Variants in APMAP observed in about 807,000 individuals in gnomAD.
The protein encoded by APMAP is adipocyte plasma membrane-associated protein.
APMAP carries 33 observed loss-of-function variants against 43.6 expected under a neutral mutation model. That is an observed-to-expected ratio of 0.76 (90% CI 0.57 to 1.01). The LOEUF (loss-of-function observed/expected upper bound fraction) is 1.01, where lower values mean the gene tolerates loss of function less well. APMAP is among the 50% of genes least tolerant of loss of function. The probability of loss-of-function intolerance (pLI) is 0.00; values close to 1 mark genes in which losing one functional copy is unlikely to be tolerated. For missense variants in APMAP, 498 were observed against 540.7 expected (o/e 0.92, Z 0.78); for synonymous variants, 224 against 216.7 (o/e 1.03, Z -0.30).
chr20:24,980,400 G>A lies in APMAP; in HGVS notation c.213-1518C>T, dbSNP rs150023490. On this transcript the variant is annotated intron_variant, in intron 2 of 8. Coordinates refer to ENST00000217456, the MANE Select transcript of APMAP (RefSeq NM_020531.3). ...CCTGGGGCAATTGGTGCCATGCTAC[G>A]ATGACAAGCAGAGCTGCCAGCTTCG... Among the ~76,000 whole-genome samples the A allele has an allele frequency of 7.6e-4, 116 of 152,352 alleles. No homozygotes were observed. In the Middle Eastern group the frequency reaches 0.024, roughly 31 times the overall value.
Position 24,978,753 on chromosome 20 carries a change from A to ACGCGG in APMAP, c.328+13_328+14insCCGCG. The ACGCGG allele has an allele frequency of 1.3e-6, 1 of 791,788 alleles. No individual in the cohort carries two copies. Among genetic ancestry groups the ACGCGG allele is most frequent in the Non-Finnish European group, 1.8e-6 (1 of 547,320 alleles). The allele number at this position is 791,788 out of a possible 1,614,324, so 49.0% of individuals were successfully genotyped here. On this transcript the variant is annotated intron_variant, in intron 3 of 8. Coordinates refer to ENST00000217456, the MANE Select transcript of APMAP (RefSeq NM_020531.3). ...AGCCTGGAAGGCTCCCCCCCCACCC[A>ACGCGG]AGCTTAGACTTACCCCCAATATGTG... is the stretch of plus-strand genomic sequence containing the variant.
In APMAP at chr20:24,963,735, C is replaced by T; in HGVS notation, c.*78G>A. 1 of 1,441,374 alleles carries T rather than the reference C, an allele frequency of 6.9e-7. No individual in the cohort carries two copies. Among genetic ancestry groups the T allele is most frequent in the Non-Finnish European group, 9.6e-7 (1 of 1,037,850 alleles). The allele number at this position is 1,441,374 out of a possible 1,614,324, so 89.3% of individuals were successfully genotyped here. On this transcript the variant is annotated 3_prime_UTR_variant, in exon 9 of 9. Transcript: ENST00000217456. ...GACACTTGAACCACGACTGTGTCCA[C>T]AGCTCCTCCTGGACCAGGCCTGGTG...
At chr20:24,986,127 T>C (rs1307523947) in intron 1 of APMAP, among the ~76,000 whole-genome samples, 1 of 152,230 alleles carries the variant, frequency 6.6e-6, no homozygotes, top group Non-Finnish European at 1.5e-5. Flanking sequence ...AGGGCAGTGT[T>C]AACCACTGCC....
At chr20:24,986,004 G>C (rs2088144376) in intron 1 of APMAP, among the ~76,000 whole-genome samples, 1 of 152,284 alleles carries the variant, frequency 6.6e-6, no homozygotes, top group African/African-American at 2.4e-5. Flanking sequence ...TATGTGAAAA[G>C]CAGAGCTTCT....
At chr20:24,971,374 T>A (rs1600282242) in intron 5 of APMAP, 86 bp downstream of exon 5, 3 of 1,197,580 alleles carry the variant, frequency 2.5e-6, no homozygotes, top group Non-Finnish European at 3.6e-6. Flanking sequence ...AGACTGTTGC[T>A]AACAAATCCT....
chr20:24,970,162 A>G (rs978588852), intron 6 of APMAP, 35 bp downstream of exon 6: 1 of 1,612,140 alleles, frequency 6.2e-7, no homozygotes, highest in African/African-American at 1.3e-5. Flanking sequence ...TGGCTGGTGA[A>G]CTCAACAAAT....
At chr20:24,987,702 T>G (rs901820845) in intron 1 of APMAP, among the ~76,000 whole-genome samples, 3 of 152,140 alleles carry the variant, frequency 2.0e-5, no homozygotes, top group African/African-American at 7.2e-5. Context: ...ACTGCAAAAC[T>G]GGCCATTATA....
In APMAP at chr20:24,963,803, T is replaced by C; in HGVS notation, c.*10A>G. 2 of 1,613,620 alleles carry C rather than the reference T, an allele frequency of 1.2e-6. No homozygotes were observed. The highest frequency in any genetic ancestry group is 1.7e-6 in the Non-Finnish European group (2 of 1,179,680). On this transcript the variant is annotated 3_prime_UTR_variant, in exon 9 of 9. Coordinates refer to ENST00000217456, the MANE Select transcript of APMAP (RefSeq NM_020531.3). Reference sequence around the variant, plus strand: ...CTGGCCTGCGTGGCAGGGGCAGCTATCTGGGAGGGCTAAACAGCCTGGAGG... The same window carrying C: ...CTGGCCTGCGTGGCAGGGGCAGCTACCTGGGAGGGCTAAACAGCCTGGAGG...
intron 2 of APMAP, among the ~76,000 whole-genome samples, chr20:24,983,588 A>C (rs2122522541): frequency 6.6e-6 from 1 of 152,326 alleles, no homozygotes; most frequent in South Asian, 2.1e-4. Context: ...CTGAAGCTCC[A>C]TTTGTGTGTG....
chr20:24,964,276 C>T, intron 8 of APMAP: 1 of 656,814 alleles, frequency 1.5e-6, no homozygotes, highest in Non-Finnish European at 2.9e-6. Flanking sequence ...GACAGCAACG[C>T]AAGCACATCT....
Position 24,984,004 on chromosome 20 carries a change from T to A in APMAP, c.111A>T (p.Arg37Ser). 6.2e-7 allele frequency: 1 copy of A among 1,613,192 alleles called. No homozygotes were observed. The highest frequency in any genetic ancestry group is 8.5e-7 in the Non-Finnish European group (1 of 1,179,396). Residue 37 changes from arginine to serine, a missense_variant, in exon 2 of 9, where the codon AGA becomes AGT. Transcript: ENST00000217456. ...EAKDGSSFSG[R>S]VFRVTFLMLA... ...GCATCAAGAAGGTCACTCGGAAAAC[T>A]CTGCCGCTAAAGGAGCTGCCAGAAA...
intron 3 of APMAP, 21 bp downstream of exon 3, chr20:24,978,746 C>CCCG: frequency 8.0e-7 from 1 of 1,255,856 alleles, no homozygotes; most frequent in Non-Finnish European, 1.1e-6. Context: ...AGGCTCCCCC[C>CCCG]CCACCCAAGC....
chr20:24,982,187 G>GGA (rs1388145896), intron 2 of APMAP, among the ~76,000 whole-genome samples: 1 of 151,130 alleles, frequency 6.6e-6, no homozygotes, highest in South Asian at 2.1e-4. Flanking sequence ...GCTGAGCCCA[G>GGA]GAGAGAGAGA....
At chr20:24,969,415 G>GA in intron 7 of APMAP, 111 bp downstream of exon 7, 1 of 1,450,058 alleles carries the variant, frequency 6.9e-7, no homozygotes, top group South Asian at 1.4e-5. Context: ...ATGCCATGCA[G>GA]AAGGTGCGCT....
intron 1 of APMAP, among the ~76,000 whole-genome samples, chr20:24,985,184 T>C (rs1303331372): frequency 1.3e-5 from 2 of 152,190 alleles, no homozygotes; most frequent in African/African-American, 4.8e-5. Flanking sequence ...TTTCCCCCAG[T>C]GTGAAACGGG....
chr20:24,983,229 T>C (rs1160492214), intron 2 of APMAP, among the ~76,000 whole-genome samples: 1 of 152,246 alleles, frequency 6.6e-6, no homozygotes, highest in Non-Finnish European at 1.5e-5. Context: ...TCTGAAGTTT[T>C]TAAAGCCTTA....
In APMAP at chr20:24,969,511, T is replaced by C. The variant is rs1415369671; in HGVS notation, c.848+15A>G. ...TCTGGCCAGTAACTGATGGCTCAGCTAATCCCACACACACCTTCGTATCCT... is the reference window on the plus strand; with the variant it reads ...TCTGGCCAGTAACTGATGGCTCAGCCAATCCCACACACACCTTCGTATCCT... On this transcript the variant is annotated intron_variant, in intron 7 of 8. Transcript: ENST00000217456. 6.3e-7 allele frequency: 1 copy of C among 1,599,120 alleles called. No individual in the cohort carries two copies. The highest frequency in any genetic ancestry group is 1.1e-5 in the South Asian group (1 of 90,474).
chr20:24,980,499 C>T lies in APMAP; in HGVS notation c.213-1617G>A, dbSNP rs573046511. Among the ~76,000 whole-genome samples the T allele has an allele frequency of 6.1e-5, 9 of 147,400 alleles. No homozygotes were observed. In the South Asian group the frequency reaches 2.0e-3, roughly 32 times the overall value. ...TCAAGAGGCCATGCTCGGCCTCGGT[C>T]ACCTCTACACGCTGGGCAGCGCGGG... On this transcript the variant is annotated intron_variant, in intron 2 of 8. Transcript: ENST00000217456.
intron 1 of APMAP, among the ~76,000 whole-genome samples, chr20:24,991,707 C>A (rs909932128): frequency 6.6e-6 from 1 of 152,222 alleles, no homozygotes; most frequent in African/African-American, 2.4e-5. Flanking sequence ...CCCACAACTT[C>A]AAGCTTGGTC....
Sources: gnomAD v4.1 joint callset for allele counts (sites outside exome capture counted in the v4.1 genomes callset) on GRCh38, gnomAD v4.1.1 for gene constraint, MANE v1.5 for transcripts, NCBI Gene and HGNC (gene_info 2026-07-23, HGNC 2026-07-21) for gene names.